The following NIN variants were observed in gnomAD, a reference collection of about 807,000 sequenced individuals.
NIN encodes glycogen synthase kinase 3 beta-interacting protein.
Under a neutral mutation model 257.6 loss-of-function variants are expected in NIN, and 137 were observed. The observed-to-expected ratio is 0.53, with a 90% CI of 0.46 to 0.61. NIN has a LOEUF of 0.61. NIN is among the 20% of genes least tolerant of loss of function. The pLI is 0.00. For missense variants in NIN, 2,439 were observed against 2,501.2 expected (o/e 0.98, Z 0.53); for synonymous variants, 918 against 919.8 (o/e 1.00, Z 0.04).
intron 13 of NIN, 150 bp downstream of exon 13, chr14:50,766,630 A>T: frequency 1.5e-6 from 1 of 650,224 alleles, no homozygotes; most frequent in Non-Finnish European, 2.7e-6. Context: ...TAACCAACTT[A>T]GTAAATTATA....
rs147332020 is a variant in NIN, at chr14:50,750,986, C to T, written c.4950+1532G>A. On this transcript the variant is annotated intron_variant, in intron 21 of 30. Transcript: ENST00000530997. Reference sequence around the variant, plus strand: ...TGAGCAGACATGTACTTTTTAATATCCCTTTCTTACACACACAAAGGCATT... The same window carrying T: ...TGAGCAGACATGTACTTTTTAATATTCCTTTCTTACACACACAAAGGCATT... Among the ~76,000 whole-genome samples, 1,017 of 152,192 alleles carry T rather than the reference C, an allele frequency of 6.7e-3. 13 individuals carry two copies. The highest frequency in any genetic ancestry group is 0.023 in the African/African-American group (937 of 41,510).
chr14:50,782,024 A>C (rs1566841413), intron 5 of NIN, among the ~76,000 whole-genome samples: 1 of 151,966 alleles, frequency 6.6e-6, no homozygotes, highest in South Asian at 2.1e-4. Flanking sequence ...AAAACCAAAA[A>C]CAAAAAAACA....
chr14:50,796,800 C>T (rs1465416347), intron 4 of NIN, among the ~76,000 whole-genome samples: 1 of 152,158 alleles, frequency 6.6e-6, no homozygotes, highest in Non-Finnish European at 1.5e-5. Flanking sequence ...GCCTCCCCTA[C>T]TCCAGGTTTC....
chr14:50,804,438 T>C (rs185546800), intron 4 of NIN, among the ~76,000 whole-genome samples: 3 of 152,314 alleles, frequency 2.0e-5, no homozygotes, highest in Non-Finnish European at 4.4e-5. Context: ...AGAAATGCTA[T>C]CAATAAGTAC....
chr14:50,822,023 G>T lies in NIN; in HGVS notation c.34C>A (p.Arg12=). 1 of 1,613,940 alleles carries T rather than the reference G, an allele frequency of 6.2e-7. No homozygotes were observed. The highest frequency in any genetic ancestry group is 1.3e-5 in the African/African-American group (1 of 75,004). The change falls in exon 3 of 31, where the codon CGA becomes AGA. Residue 12 remains arginine (R), a synonymous_variant. Coordinates refer to ENST00000530997, the MANE Select transcript of NIN (RefSeq NM_020921.4). ...AAACTGTCAAACAGCTCCTTGAGTC[G>T]GGCCTCATGCTGGTCCTGCTCCACC... ...DEVEQDQHEA[R]LKELFDSFDT...
intron 4 of NIN, among the ~76,000 whole-genome samples, chr14:50,793,662 C>G (rs1431205302): frequency 6.6e-6 from 1 of 152,166 alleles, no homozygotes; most frequent in Non-Finnish European, 1.5e-5. Flanking sequence ...TCACTTGTCT[C>G]AGGTTCAACA....
rs372613872 is a variant in NIN, at chr14:50,761,801, G to A, written c.1885C>T (p.Leu629Phe). 6.2e-6 allele frequency: 10 copies of A among 1,614,008 alleles called. No homozygotes were observed. The African/African-American group carries it at 1.3e-4, about 22-fold the overall frequency. Residue 629 changes from leucine (L) to phenylalanine (F), a missense_variant, in exon 16 of 31, where the codon CTC becomes TTC. Coordinates refer to ENST00000530997, the MANE Select transcript of NIN (RefSeq NM_020921.4). ...HRDICCLRLE[L>F]EDKVRHYEKQ... ...TGGGAAGGACTTACTTTATCTTCGAGCTCCAGTCTGAGGCAACATATGTCC... is the reference window on the plus strand; with the variant it reads ...TGGGAAGGACTTACTTTATCTTCGAACTCCAGTCTGAGGCAACATATGTCC...
At chr14:50,795,420 G>A (rs1045454779) in intron 4 of NIN, among the ~76,000 whole-genome samples, 2 of 152,266 alleles carry the variant, frequency 1.3e-5, no homozygotes, top group Admixed American at 6.5e-5. Context: ...TAGGTTAAGC[G>A]CTGAAAACAC....
intron 5 of NIN, among the ~76,000 whole-genome samples, chr14:50,784,399 G>C (rs1474656962): frequency 6.6e-6 from 1 of 152,200 alleles, no homozygotes; most frequent in African/African-American, 2.4e-5. Flanking sequence ...CTTACCCTCT[G>C]TGTGCCTCAG....
chr14:50,756,702 T>G lies in NIN; in HGVS notation c.4328A>C (p.Lys1443Thr), dbSNP rs780858059. 3.2e-6 allele frequency: 5 copies of G among 1,551,730 alleles called. No homozygotes were observed. The highest frequency in any genetic ancestry group is 4.4e-6 in the Non-Finnish European group (5 of 1,147,006). The change falls in exon 18 of 31, where the codon AAA becomes ACA. Residue 1443 changes from lysine (K) to threonine (T), a missense_variant. This residue lies in a region of NIN where 2,043 missense variants were observed against 2,050.2 expected (regional missense o/e 1.00). Transcript: ENST00000530997. ...ENTTLLGFQD[K>T]HFQHQATIAE... The stretch of plus-strand genomic sequence containing the variant: ...TATGGTGGCCTGATGCTGAAAATGT[T>G]TGTCTTGAAAGCCTAGGAGAGTAGT...
intron 12 of NIN, among the ~76,000 whole-genome samples, chr14:50,767,403 C>T (rs2141737625): frequency 6.6e-6 from 1 of 152,278 alleles, no homozygotes; most frequent in Admixed American, 6.5e-5. Context: ...ATCTATTGGA[C>T]AGCATTGCAG....
intron 12 of NIN, among the ~76,000 whole-genome samples, chr14:50,768,309 T>A (rs2042590696): frequency 6.6e-6 from 1 of 152,172 alleles, no homozygotes; most frequent in South Asian, 2.1e-4. Flanking sequence ...TTCTGTAACA[T>A]TAATCTTTCA....
At position 50,752,587 on chromosome 14, in the gene NIN, G is replaced by A; in HGVS notation, c.4881C>T (p.Asn1627=). The A allele has an allele frequency of 1.2e-6, 2 of 1,613,996 alleles. No homozygotes were observed. The highest frequency in any genetic ancestry group is 1.7e-6 in the Non-Finnish European group (2 of 1,179,946). ...CTTGTTCCCGTTCCTCCAATGCACTGTTTCCTGGCTCTTTTTCCTTCTGGC... is the reference window on the plus strand; with the variant it reads ...CTTGTTCCCGTTCCTCCAATGCACTATTTCCTGGCTCTTTTTCCTTCTGGC... ...MLCQKEKEPG[N]SALEEREQEK... The change falls in exon 21 of 31, where the codon AAC becomes AAT. Residue 1627 remains asparagine, a synonymous_variant. Coordinates refer to ENST00000530997, the MANE Select transcript of NIN (RefSeq NM_020921.4).
At chr14:50,810,608 A>G (rs1003005437) in intron 3 of NIN, among the ~76,000 whole-genome samples, 2 of 152,206 alleles carry the variant, frequency 1.3e-5, no homozygotes, top group African/African-American at 4.8e-5. Context: ...AACAAAAATA[A>G]AGTATAATAC....
chr14:50,754,881 A>G lies in NIN; in HGVS notation c.4539-14T>C, dbSNP rs936600232. 9 of 1,530,554 alleles carry G rather than the reference A, an allele frequency of 5.9e-6. No individual in the cohort carries two copies. Among genetic ancestry groups the G allele is most frequent in the Non-Finnish European group, 7.9e-6 (9 of 1,140,598 alleles). 94.8% of individuals were successfully genotyped at this position (1,530,554 alleles called of 1,614,324 possible). On this transcript the variant is annotated splice_polypyrimidine_tract_variant and intron_variant, in intron 18 of 30. Transcript: ENST00000530997. ...TCAGATTCATATCTGAAGCACAGAG[A>G]TTGAAAAAAATTGTTACAAGGCAGT...
Position 50,760,157 on chromosome 14 carries a change from T to A in NIN, c.2099A>T (p.Glu700Val), listed in dbSNP as rs1408290722. Residue 700 changes from glutamate to valine, a missense_variant, in exon 17 of 31, where the codon GAG becomes GTG. Physicochemically the swap from Glu to Val is moderately radical, Grantham distance 121. Around this residue, in one of 3 missense-constraint regions of NIN, gnomAD observed 2,043 missense variants for 2,050.2 expected, o/e 1.00. Coordinates refer to ENST00000530997, the MANE Select transcript of NIN (RefSeq NM_020921.4). ...HHEATCRHEE[E>V]KKQLQVKLEE... is the part of the protein sequence containing the mutation. ...AAGCTTCACTTGCAGTTGTTTTTTC[T>A]CCTCCTCATGCCTGCAAGTGGCCTC... The A allele has an allele frequency of 6.2e-7, 1 of 1,614,060 alleles. No individual in the cohort carries two copies. Among genetic ancestry groups the A allele is most frequent in the East Asian group, 2.2e-5 (1 of 44,880 alleles).
chr14:50,767,554 A>C (rs551541852), intron 12 of NIN, among the ~76,000 whole-genome samples: 3 of 152,202 alleles, frequency 2.0e-5, no homozygotes, highest in African/African-American at 7.2e-5. Flanking sequence ...ATAGTGGCTC[A>C]CGCCTGTAAT....
Position 50,792,699 on chromosome 14 carries a change from C to G in NIN, c.435+13G>C. On this transcript the variant is annotated intron_variant, in intron 5 of 30. Transcript: ENST00000530997. The stretch of plus-strand genomic sequence containing the variant: ...CTCATGATCCAGATGAACGTGCATG[C>G]CCGATTCCTTACCTCACTGCAGTCA... 1 of 1,614,026 alleles carries G rather than the reference C, an allele frequency of 6.2e-7. No individual in the cohort carries two copies. Among genetic ancestry groups the G allele is most frequent in the Non-Finnish European group, 8.5e-7 (1 of 1,179,934 alleles).
At chr14:50,768,075 AC>A (rs1409163876) in intron 12 of NIN, among the ~76,000 whole-genome samples, 11 of 151,144 alleles carry the variant, frequency 7.3e-5, no homozygotes, top group Non-Finnish European at 1.5e-4. Flanking sequence ...ACACACACAC[AC>A]ACACACACAC....
Sources: gnomAD v4.1 joint callset for allele counts (sites outside exome capture counted in the v4.1 genomes callset) on GRCh38, gnomAD v4.1.1 for gene constraint, gnomAD v4.1.1 regional missense constraint, MANE v1.5 for transcripts, NCBI Gene and HGNC (gene_info 2026-07-23, HGNC 2026-07-21) for gene names.